Variants in DCT observed in about 807,000 individuals in gnomAD.
The protein encoded by DCT is dopachrome tautomerase, also known as L-dopachrome tautomerase.
DCT carries 47 observed loss-of-function variants against 53.0 expected under a neutral mutation model. That is an observed-to-expected ratio of 0.89 (90% confidence interval 0.70 to 1.13). The LOEUF (loss-of-function observed/expected upper bound fraction) is 1.13, where lower values mean the gene tolerates loss of function less well. Among genes scored for constraint, DCT ranks in the 50% most tolerant of loss-of-function variants. DCT has a pLI of 0.00. For missense variants in DCT, 669 were observed against 637.4 expected, an observed-to-expected ratio of 1.05 and a Z score of -0.53; for synonymous variants, 244 against 237.0, an observed-to-expected ratio of 1.03 and a Z score of -0.27.
At chr13:94,518,108 G>GGGAAGGAA in the DCT span, among the ~76,000 whole-genome samples, 1,201 of 125,210 alleles carry the variant, frequency 9.6e-3, 9 homozygotes, top group South Asian at 0.028. Context: ...GGGAAACGAA[G>GGGAAGGAA]GGAAGGAAGG....
chr13:94,517,972 G>T, the DCT span, among the ~76,000 whole-genome samples: 1 of 152,028 alleles, frequency 6.6e-6, no homozygotes, highest in Non-Finnish European at 1.5e-5. Flanking sequence ...GCCAGGCACA[G>T]TGGCTCACAC....
the DCT span, among the ~76,000 whole-genome samples, chr13:94,503,178 C>T: frequency 2.6e-5 from 4 of 151,948 alleles, no homozygotes; most frequent in African/African-American, 4.8e-5. Context: ...AGGAGTTCAA[C>T]GCCAGCCTGG....
the DCT span, among the ~76,000 whole-genome samples, chr13:94,531,118 C>T: frequency 6.6e-6 from 1 of 152,160 alleles, no homozygotes; most frequent in Non-Finnish European, 1.5e-5. Context: ...GAACTACAAA[C>T]CACTGTTCAA....
chr13:94,445,872 G>A (rs763218625), intron 6 of DCT: 1 of 705,300 alleles, frequency 1.4e-6, no homozygotes, highest in Non-Finnish European at 2.4e-6. Flanking sequence ...CCTGGAGGCA[G>A]GGGAGAAACT....
upstream of DCT, among the ~76,000 whole-genome samples, chr13:94,483,226 G>A (rs1190826917): frequency 6.6e-6 from 1 of 151,450 alleles, no homozygotes; most frequent in Non-Finnish European, 1.5e-5. Flanking sequence ...AGTGAGCCGT[G>A]ATTGCACCAC....
At chr13:94,475,872 T>G (rs1192613938) in intron 1 of DCT, among the ~76,000 whole-genome samples, 2 of 152,210 alleles carry the variant, frequency 1.3e-5, no homozygotes, top group Non-Finnish European at 2.9e-5. Context: ...ACATTAAAAG[T>G]CTAGTAAATT....
At chr13:94,513,793 C>A in the DCT span, among the ~76,000 whole-genome samples, 4 of 152,054 alleles carry the variant, frequency 2.6e-5, no homozygotes, top group East Asian at 7.8e-4. Flanking sequence ...TCGAGACTAG[C>A]CTGACCAACA....
chr13:94,507,116 G>T, the DCT span, among the ~76,000 whole-genome samples: 2 of 152,120 alleles, frequency 1.3e-5, no homozygotes, highest in African/African-American at 4.8e-5. Context: ...TACATGGCAT[G>T]CCATGCTTAA....
At chr13:94,484,050 C>T (rs974662451), upstream of DCT, among the ~76,000 whole-genome samples, 1 of 152,198 alleles carries the variant, frequency 6.6e-6, no homozygotes, top group African/African-American at 2.4e-5. Context: ...TGTTATTTGG[C>T]TTATAAAAGA....
the DCT span, among the ~76,000 whole-genome samples, chr13:94,547,987 ATATAT>A: frequency 2.9e-5 from 2 of 69,690 alleles, no homozygotes; most frequent in Non-Finnish European, 6.7e-5. Flanking sequence ...AAAAAAAAAT[ATATAT>A]ATATATATAT....
chr13:94,495,478 G>A, the DCT span, among the ~76,000 whole-genome samples: 1 of 152,256 alleles, frequency 6.6e-6, no homozygotes, highest in South Asian at 2.1e-4. Context: ...ACTCCCAAAA[G>A]CAGAGCGCCC....
At chr13:94,542,363 A>G in the DCT span, among the ~76,000 whole-genome samples, 1 of 151,952 alleles carries the variant, frequency 6.6e-6, no homozygotes, top group African/African-American at 2.4e-5. Context: ...TAATTTTTGT[A>G]TTTTTTTAGT....
chr13:94,451,194 TG>T (rs1434722180), intron 6 of DCT, among the ~76,000 whole-genome samples: 1 of 152,206 alleles, frequency 6.6e-6, no homozygotes, highest in Non-Finnish European at 1.5e-5. Context: ...ACTGTGTACC[TG>T]CTATTTAAAA....
At position 94,478,986 on chromosome 13, in the gene DCT, G is replaced by A; in HGVS notation, c.270C>T (p.Phe90=). The A allele has an allele frequency of 3.1e-6, 5 of 1,612,386 alleles. No individual in the cohort carries two copies. Among genetic ancestry groups the A allele is most frequent in the Non-Finnish European group, 4.2e-6 (5 of 1,178,666 alleles). The part of the protein sequence containing the change: ...QDDRELWPRK[F]FHRTCKCTGN... ...CTGTGCACTTGCAGGTCCGGTGGAA[G>A]AATTTTCTTGGCCACAGCTCACGGT... The change falls in exon 1 of 8, where the codon TTC becomes TTT. Residue 90 remains phenylalanine (F), a synonymous_variant. Transcript: ENST00000377028.
chr13:94,504,416 G>A, the DCT span, among the ~76,000 whole-genome samples: 1 of 152,124 alleles, frequency 6.6e-6, no homozygotes, highest in African/African-American at 2.4e-5. Context: ...TGCCCAGGCT[G>A]GAGTGCAGTG....
the DCT span, among the ~76,000 whole-genome samples, chr13:94,502,551 C>T: frequency 1.3e-5 from 2 of 152,162 alleles, no homozygotes; most frequent in Admixed American, 6.5e-5. Context: ...CACTCAGCTG[C>T]GAGGAGCTGG....
the DCT span, among the ~76,000 whole-genome samples, chr13:94,531,238 G>A: frequency 4.9e-4 from 74 of 152,244 alleles, no homozygotes; most frequent in African/African-American, 1.8e-3. Context: ...TAGATTCAAT[G>A]CTATCCCCAT....
the DCT span, among the ~76,000 whole-genome samples, chr13:94,495,636 C>A: frequency 6.6e-6 from 1 of 152,148 alleles, no homozygotes; most frequent in African/African-American, 2.4e-5. Context: ...AACATGCTAC[C>A]TTTTTGGAAG....
chr13:94,524,389 G>A, the DCT span, among the ~76,000 whole-genome samples: 6 of 152,184 alleles, frequency 3.9e-5, no homozygotes, highest in East Asian at 1.9e-4. Context: ...ATCCTGGGCC[G>A]AGGACAGCCT....
Sources: gnomAD v4.1 joint callset for allele counts (sites outside exome capture counted in the v4.1 genomes callset) on GRCh38, gnomAD v4.1.1 for gene constraint, MANE v1.5 for transcripts, NCBI Gene and HGNC (gene_info 2026-07-23, HGNC 2026-07-21) for gene names.